The following JAZF1 variants were observed in gnomAD, a reference collection of about 807,000 sequenced individuals.
JAZF1 encodes juxtaposed with another zinc finger protein 1.
Under a neutral mutation model 26.4 loss-of-function variants are expected in JAZF1, and 8 were observed. The ratio of observed to expected loss-of-function variants is 0.30; its 90% confidence interval spans 0.18 to 0.55. JAZF1 has a LOEUF of 0.55. JAZF1 is among the 20% of genes least tolerant of loss of function. The pLI, the probability that JAZF1 is intolerant of heterozygous loss-of-function variation, is 0.94. For synonymous variants in JAZF1, 126 were observed against 122.3 expected (o/e 1.03, Z -0.20); for missense variants, 199 against 322.0 (o/e 0.62, Z 2.92).
intron 2 of JAZF1, among the ~76,000 whole-genome samples, chr7:27,965,124 T>C (rs755693538): frequency 5.3e-5 from 8 of 152,192 alleles, no homozygotes; most frequent in Non-Finnish European, 1.0e-4. Context: ...AATATGTACA[T>C]ACTGTTCTTC....
At chr7:28,012,105 G>GA (rs1782809167) in intron 1 of JAZF1, among the ~76,000 whole-genome samples, 2 of 152,164 alleles carry the variant, frequency 1.3e-5, no homozygotes, top group South Asian at 4.1e-4. Context: ...TCTGGATGCT[G>GA]AAGCATTTTT....
chr7:28,098,443 T>C (rs1784418877), intron 1 of JAZF1, among the ~76,000 whole-genome samples: 1 of 152,174 alleles, frequency 6.6e-6, no homozygotes, highest in Non-Finnish European at 1.5e-5. Context: ...TCTTCATCTT[T>C]ATGCCTTTAG....
chr7:28,033,517 G>A (rs1380624125), intron 1 of JAZF1, among the ~76,000 whole-genome samples: 2 of 152,254 alleles, frequency 1.3e-5, no homozygotes, highest in South Asian at 2.1e-4. Flanking sequence ...AGGACGTACC[G>A]CTAATGAGAA....
intron 3 of JAZF1, among the ~76,000 whole-genome samples, chr7:27,893,493 A>T (rs1784009582): frequency 6.6e-6 from 1 of 152,108 alleles, no homozygotes; most frequent in African/African-American, 2.4e-5. Context: ...AGTAATGGGG[A>T]CCTGCCAGGC....
At chr7:28,056,048 T>C (rs1301274378) in intron 1 of JAZF1, among the ~76,000 whole-genome samples, 1 of 152,134 alleles carries the variant, frequency 6.6e-6, no homozygotes, top group Non-Finnish European at 1.5e-5. Context: ...CCATTCTTTG[T>C]GAACAGAGAC....
At position 28,001,475 on chromosome 7, in the gene JAZF1, ACTCT is replaced by A. The variant is rs988072741; in HGVS notation, c.116-9498_116-9495del. On this transcript the variant is annotated intron_variant, in intron 1 of 4. Transcript: ENST00000283928. ...CTTACTACTCTAGAAACAAAACATG[ACTCT>A]CTGTGCAACTGAGAGGAACTTCTTG... is the stretch of plus-strand genomic sequence containing the variant. Among the ~76,000 whole-genome samples the A allele has an allele frequency of 6.6e-5, 10 of 152,374 alleles. No individual in the cohort carries two copies. In the South Asian group the frequency reaches 8.3e-4, roughly 13 times the overall value.
rs1209646324 is a variant in JAZF1 at position 28,180,507 on chromosome 7, G to C, written c.71C>G (p.Pro24Arg). The part of the protein sequence containing the change: ...CRFGGCGLHF[P>R]TLADLIEHIE... ...GTGCTCGATGAGGTCGGCCAGGGTG[G>C]GGAAGTGGAGTCCGCAGCCCCCGAA... The change falls in exon 1 of 5, where the codon CCC becomes CGC. Residue 24 changes from proline to arginine, a missense_variant. By Grantham distance (103) the Pro-to-Arg change is moderately radical (BLOSUM62 -2). Coordinates refer to ENST00000283928, the MANE Select transcript of JAZF1 (RefSeq NM_175061.4). 1 of 1,611,150 alleles carries C rather than the reference G, an allele frequency of 6.2e-7. No individual in the cohort carries two copies. Among genetic ancestry groups the C allele is most frequent in the East Asian group, 2.2e-5 (1 of 44,678 alleles).
At chr7:27,835,755 C>T (rs1226316427) in intron 4 of JAZF1, among the ~76,000 whole-genome samples, 2 of 152,108 alleles carry the variant, frequency 1.3e-5, no homozygotes, top group Non-Finnish European at 2.9e-5. Context: ...ACCAGAGGAG[C>T]TCTGAAAAGA....
rs569249899 is a variant in JAZF1, at chr7:27,903,389, T to C, written c.189-7973A>G. ...TTTGTACTTTTTGTAAAGATGGGGTTTTACCATGTTGCCCAGGCTAGTTTT... is the reference window on the plus strand; with the variant it reads ...TTTGTACTTTTTGTAAAGATGGGGTCTTACCATGTTGCCCAGGCTAGTTTT... On this transcript the variant is annotated intron_variant, in intron 2 of 4. Transcript: ENST00000283928. Among the ~76,000 whole-genome samples the C allele has an allele frequency of 5.7e-4, 87 of 152,192 alleles. 1 individual carries two copies. Among genetic ancestry groups the C allele is most frequent in the African/African-American group, 2.0e-3 (82 of 41,538 alleles).
intron 2 of JAZF1, among the ~76,000 whole-genome samples, chr7:27,971,316 C>T (rs62451157): frequency 0.11 from 17,406 of 152,096 alleles, 1,090 homozygotes; most frequent in African/African-American, 0.16. Context: ...GATGAGTCCA[C>T]GCTGGCTGAG....
At chr7:28,135,263 T>A (rs1482404777) in intron 1 of JAZF1, among the ~76,000 whole-genome samples, 1 of 151,122 alleles carries the variant, frequency 6.6e-6, no homozygotes, top group Non-Finnish European at 1.5e-5. Flanking sequence ...TAAGGAGCCC[T>A]CTCTCCTCAA....
intron 2 of JAZF1, among the ~76,000 whole-genome samples, chr7:27,937,095 C>T (rs562270641): frequency 6.6e-6 from 1 of 152,148 alleles, no homozygotes; most frequent in Non-Finnish European, 1.5e-5. Flanking sequence ...TTCTCATGCA[C>T]TTCTATTGCT....
intron 1 of JAZF1, among the ~76,000 whole-genome samples, chr7:28,044,639 T>C (rs1313938355): frequency 6.6e-6 from 1 of 152,150 alleles, no homozygotes; most frequent in East Asian, 1.9e-4. Flanking sequence ...TCCCACAAAA[T>C]GTATTTTTCT....
chr7:27,918,914 T>C (rs983512636), intron 2 of JAZF1, among the ~76,000 whole-genome samples: 1 of 152,214 alleles, frequency 6.6e-6, no homozygotes, highest in Non-Finnish European at 1.5e-5. Flanking sequence ...ACATTGATTG[T>C]TGAAAAGAAA....
At chr7:27,922,934 A>G (rs1784555784) in intron 2 of JAZF1, among the ~76,000 whole-genome samples, 1 of 152,226 alleles carries the variant, frequency 6.6e-6, no homozygotes, top group African/African-American at 2.4e-5. Context: ...ATGATGATGA[A>G]AAGAATCAGA....
At chr7:28,056,587 A>G (rs1783716071) in intron 1 of JAZF1, among the ~76,000 whole-genome samples, 2 of 152,178 alleles carry the variant, frequency 1.3e-5, no homozygotes, top group Non-Finnish European at 2.9e-5. Flanking sequence ...CACATCCACC[A>G]TGTCACAAGT....
chr7:28,021,555 A>G (rs2128372935), intron 1 of JAZF1, among the ~76,000 whole-genome samples: 1 of 152,308 alleles, frequency 6.6e-6, no homozygotes, highest in East Asian at 1.9e-4. Context: ...ACGGGCAGGA[A>G]AGGCCGCCAC....
chr7:27,957,027 C>T (rs751910886), intron 2 of JAZF1, among the ~76,000 whole-genome samples: 3 of 152,174 alleles, frequency 2.0e-5, no homozygotes, highest in East Asian at 1.9e-4. Flanking sequence ...ATGAAAAGTT[C>T]GTGCCGCTGA....
At chr7:28,170,238 C>A (rs1372844271) in intron 1 of JAZF1, among the ~76,000 whole-genome samples, 1 of 152,100 alleles carries the variant, frequency 6.6e-6, no homozygotes, top group African/African-American at 2.4e-5. Flanking sequence ...GCCTGGGCAA[C>A]ATACCAAGAC....
Sources: gnomAD v4.1 joint callset for allele counts (sites outside exome capture counted in the v4.1 genomes callset) on GRCh38, gnomAD v4.1.1 for gene constraint, MANE v1.5 for transcripts, NCBI Gene and HGNC (gene_info 2026-07-23, HGNC 2026-07-21) for gene names.